The following ZNF346 variants were observed in gnomAD, a reference collection of about 807,000 sequenced individuals.
ZNF346 encodes the protein double-stranded RNA-binding zinc finger protein JAZ.
ZNF346 carries 23 observed loss-of-function variants against 33.7 expected under a neutral mutation model. That is an observed-to-expected ratio of 0.68 (90% CI 0.49 to 0.97). The LOEUF is 0.97. Ranked by LOEUF, ZNF346 falls within the 50% of genes least tolerant of loss-of-function variation. The pLI is 0.00. For synonymous variants in ZNF346, 134 were observed against 142.4 expected (o/e 0.94, Z 0.42); for missense variants, 340 against 371.1 (o/e 0.92, Z 0.69).
At chr5:177,071,113 C>A (rs1030433154), downstream of ZNF346, among the ~76,000 whole-genome samples, 10 of 152,102 alleles carry the variant, frequency 6.6e-5, no homozygotes, top group African/African-American at 2.4e-4. Context: ...GATTCAGGAG[C>A]CCTAAGTGTT....
intron 3 of ZNF346, 37 bp downstream of exon 3, chr5:177,041,907 G>C: frequency 7.2e-7 from 1 of 1,393,558 alleles, no homozygotes; most frequent in Non-Finnish European, 1.0e-6. Context: ...CTTGCTTCAT[G>C]ATGAAGCCAG....
intron 4 of ZNF346, 92 bp from the exon 5 acceptor site, chr5:177,050,659 T>G (rs771379385): frequency 1.4e-6 from 2 of 1,439,010 alleles, no homozygotes; most frequent in Non-Finnish European, 2.0e-6. Flanking sequence ...GCCTGACACC[T>G]TCTGGGTTTT....
At chr5:177,024,088 A>G (rs924466235) in intron 1 of ZNF346, among the ~76,000 whole-genome samples, 4 of 148,212 alleles carry the variant, frequency 2.7e-5, no homozygotes, top group Non-Finnish European at 4.5e-5. Context: ...ACATAAATGT[A>G]TATATATAAT....
At chr5:177,059,658 C>T (rs1468863062) in intron 5 of ZNF346, among the ~76,000 whole-genome samples, 1 of 152,216 alleles carries the variant, frequency 6.6e-6, no homozygotes, top group Non-Finnish European at 1.5e-5. Flanking sequence ...TTATCTCCCA[C>T]TCAGTAGAGC....
intron 4 of ZNF346, among the ~76,000 whole-genome samples, chr5:177,047,206 G>A (rs1322397875): frequency 2.6e-5 from 4 of 151,698 alleles, no homozygotes; most frequent in East Asian, 1.9e-4. Flanking sequence ...GTGCCACCGC[G>A]CCTGGCCAAT....
intron 4 of ZNF346, among the ~76,000 whole-genome samples, chr5:177,048,664 A>G (rs1411885518): frequency 6.6e-6 from 1 of 152,152 alleles, no homozygotes; most frequent in East Asian, 1.9e-4. Context: ...ATAGTGAAAC[A>G]CACTCTACTC....
intron 1 of ZNF346, among the ~76,000 whole-genome samples, chr5:177,024,180 T>A (rs368900588): frequency 2.2e-4 from 22 of 99,456 alleles, no homozygotes; most frequent in African/African-American, 8.7e-4. Flanking sequence ...ACACACACAC[T>A]ATTTCTGGGG....
At chr5:177,074,065 C>T (rs1002713937) in intron 8 of ZNF346, among the ~76,000 whole-genome samples, 6 of 152,180 alleles carry the variant, frequency 3.9e-5, no homozygotes, top group African/African-American at 1.4e-4. Flanking sequence ...ATCCCAGACC[C>T]TCTAGCATAG....
At chr5:177,041,279 A>G (rs1424500089) in intron 2 of ZNF346, 50 bp downstream of exon 2, 2 of 1,441,896 alleles carry the variant, frequency 1.4e-6, no homozygotes, top group African/African-American at 2.8e-5. Flanking sequence ...CCTGGTGCCA[A>G]ACCACTAATT....
At chr5:177,032,921 A>G (rs1436997223) in intron 1 of ZNF346, among the ~76,000 whole-genome samples, 1 of 152,184 alleles carries the variant, frequency 6.6e-6, no homozygotes, top group African/African-American at 2.4e-5. Flanking sequence ...AAAACACAGT[A>G]TGGACTCACA....
At chr5:177,050,639 A>G in intron 4 of ZNF346, 112 bp from the exon 5 acceptor site, 2 of 1,168,908 alleles carry the variant, frequency 1.7e-6, no homozygotes, top group Non-Finnish European at 1.3e-6. Flanking sequence ...TCTATTCAGC[A>G]TACTCAAAAG....
rs891387584 is a variant in ZNF346 at position 177,066,234 on chromosome 5, C to T, written c.*1635C>T. On this transcript the variant is annotated 3_prime_UTR_variant, in exon 7 of 7. Coordinates refer to ENST00000358149, the MANE Select transcript of ZNF346 (RefSeq NM_012279.4). ...CATGAAGGTCTTTAAAGGGTTTAAG[C>T]TGGGGATCTGCTTTATGTTTGAGAG... 6.6e-6 allele frequency among the ~76,000 whole-genome samples: 1 copy of T among 151,316 alleles called. No homozygotes were observed. The highest frequency in any genetic ancestry group is 6.6e-5 in the Admixed American group (1 of 15,142).
chr5:177,052,508 C>A (rs1781096298), intron 5 of ZNF346: 1 of 151,428 alleles, frequency 6.6e-6, no homozygotes, highest in Non-Finnish European at 1.5e-5. Flanking sequence ...TATTTTTAAA[C>A]CCTGTGTAAG....
Position 177,028,040 on chromosome 5 carries a change from C to CTTTTTTTTT in ZNF346, c.175+5151_175+5159dup, listed in dbSNP as rs10682528. 2.4e-4 allele frequency among the ~76,000 whole-genome samples: 8 copies of CTTTTTTTTT among 33,542 alleles called. 2 individuals are homozygous for CTTTTTTTTT. The highest frequency in any genetic ancestry group is 8.3e-4 in the African/African-American group (6 of 7,218). 22.0% of individuals were successfully genotyped at this position (33,542 alleles called of 152,430 possible). A position where few individuals can be genotyped will look rare whatever the true frequency, so the allele number is the denominator to read the frequency against. On this transcript the variant is annotated intron_variant, in intron 1 of 6. Transcript: ENST00000358149. The stretch of plus-strand genomic sequence containing the variant: ...GAATATTTTGTTTCTCCTTGTGTCA[C>CTTTTTTTTT]TTTTTTTTTTTTTTTTTTTTTTTTT...
intron 1 of ZNF346, chr5:177,023,245 C>T: frequency 6.6e-7 from 1 of 1,526,178 alleles, no homozygotes; most frequent in Non-Finnish European, 8.8e-7. Flanking sequence ...GTAAGCCAAG[C>T]CGAGTGCCCC....
At chr5:177,060,975 G>A (rs866037157) in intron 5 of ZNF346, among the ~76,000 whole-genome samples, 1 of 152,276 alleles carries the variant, frequency 6.6e-6, no homozygotes, top group Middle Eastern at 3.4e-3. Flanking sequence ...AGCTAGGTGT[G>A]GTGGCAGGCG....
Position 177,038,876 on chromosome 5 carries a change from T to TG in ZNF346, c.176-2250_176-2249insG, listed in dbSNP as rs1554145941. On this transcript the variant is annotated intron_variant, in intron 1 of 6. Coordinates refer to ENST00000358149, the MANE Select transcript of ZNF346 (RefSeq NM_012279.4). ...TTTTTCTTCTTTTTTCTTCTTCTTC[T>TG]TGTGTGTGTGTGTGTGTGTGTGTGT... Among the ~76,000 whole-genome samples the TG allele has an allele frequency of 3.4e-4, 46 of 135,452 alleles. No individual in the cohort carries two copies. The South Asian group carries it at 5.4e-3, about 16-fold the overall frequency. The allele number at this position is 135,452 out of a possible 152,430, so 88.9% of individuals were successfully genotyped here.
At chr5:177,034,593 C>T (rs564712096) in intron 1 of ZNF346, among the ~76,000 whole-genome samples, 6 of 152,290 alleles carry the variant, frequency 3.9e-5, no homozygotes, top group Non-Finnish European at 7.3e-5. Context: ...CCTACTTCAT[C>T]GACCCTGTGA....
chr5:177,064,568 TTCAGAAAGAC>T lies in ZNF346; in HGVS notation c.858_867del (p.Lys287ProfsTer19), dbSNP rs1782964179. 1 of 1,614,082 alleles carries T rather than the reference TTCAGAAAGAC, an allele frequency of 6.2e-7. No individual in the cohort carries two copies. Among genetic ancestry groups the T allele is most frequent in the South Asian group, 1.1e-5 (1 of 91,092 alleles). On this transcript the variant is annotated frameshift_variant, in exon 7 of 7. Coordinates refer to ENST00000358149, the MANE Select transcript of ZNF346 (RefSeq NM_012279.4). LOFTEE classifies it high-confidence loss of function. ...CAGATTCCAATGCAAAGGCAACCCA[TTCAGAAAGAC>T]TCAACCACCTTGGAAGACTAGAGGT...
Sources: allele counts gnomAD v4.1 joint callset (sites outside exome capture counted in the v4.1 genomes callset), GRCh38; gene constraint gnomAD v4.1.1; transcripts MANE v1.5; gene names NCBI Gene and HGNC (gene_info 2026-07-23, HGNC 2026-07-21).